The following ST6GALNAC5 variants were observed in gnomAD, a reference collection of about 807,000 sequenced individuals.
ST6GALNAC5 encodes the protein alpha-N-acetylgalactosaminide alpha-2,6-sialyltransferase 5.
A neutral mutation model predicts 33.6 loss-of-function variants in ST6GALNAC5; 27 were observed. The ratio of observed to expected loss-of-function variants is 0.80; its 90% CI spans 0.59 to 1.11. The LOEUF (loss-of-function observed/expected upper bound fraction) is 1.11, where lower values mean the gene tolerates loss of function less well. Ranked by LOEUF, ST6GALNAC5 falls within the 50% of genes least tolerant of loss-of-function variation. ST6GALNAC5 has a pLI of 0.00. For missense variants in ST6GALNAC5, 428 were observed against 454.0 expected, an observed-to-expected ratio of 0.94 and a Z score of 0.52; for synonymous variants, 194 against 171.2, an observed-to-expected ratio of 1.13 and a Z score of -1.04.
intron 2 of ST6GALNAC5, among the ~76,000 whole-genome samples, chr1:76,875,086 T>C (rs988363472): frequency 9.2e-5 from 14 of 152,358 alleles, no homozygotes; most frequent in African/African-American, 3.4e-4. Flanking sequence ...TACAAGTGTA[T>C]ACATGCACAA....
At chr1:77,011,007 C>T (rs551379577) in intron 2 of ST6GALNAC5, among the ~76,000 whole-genome samples, 1 of 152,160 alleles carries the variant, frequency 6.6e-6, no homozygotes, top group Non-Finnish European at 1.5e-5. Context: ...TGACTAAAAC[C>T]GTTGATCCTT....
chr1:77,051,266 A>T (rs1220755454), intron 4 of ST6GALNAC5, among the ~76,000 whole-genome samples: 2 of 152,256 alleles, frequency 1.3e-5, no homozygotes, highest in Non-Finnish European at 2.9e-5. Context: ...GAGAAACAGC[A>T]TCTAATCATC....
rs5775369 is a variant in ST6GALNAC5, at chr1:76,923,281, GA to G, written c.261+54550del. On this transcript the variant is annotated intron_variant, in intron 2 of 4. Transcript: ENST00000477717. ...TAAAAATTAAACAATATTACCTAAT[GA>G]AAAAAAAAAAGGAGTGAGTGGACAA... 1.1e-3 allele frequency among the ~76,000 whole-genome samples: 157 copies of G among 146,464 alleles called. 2 individuals carry two copies. The highest frequency in any genetic ancestry group is 2.9e-3 in the African/African-American group (114 of 39,736).
intron 2 of ST6GALNAC5, among the ~76,000 whole-genome samples, chr1:76,953,757 T>G (rs1310235838): frequency 6.6e-6 from 1 of 152,116 alleles, no homozygotes; most frequent in African/African-American, 2.4e-5. Context: ...TTCACTTATT[T>G]TTAAATAAAA....
At chr1:76,994,578 G>A (rs894482722) in intron 2 of ST6GALNAC5, among the ~76,000 whole-genome samples, 10 of 152,024 alleles carry the variant, frequency 6.6e-5, no homozygotes, top group Non-Finnish European at 1.3e-4. Context: ...TAAAGACCCC[G>A]AGCCCACACT....
chr1:76,936,603 GA>G (rs1647205774), intron 2 of ST6GALNAC5, among the ~76,000 whole-genome samples: 1 of 152,068 alleles, frequency 6.6e-6, no homozygotes, highest in African/African-American at 2.4e-5. Context: ...ATTGAAATTT[GA>G]AGGAGAAGAA....
At chr1:77,010,457 T>C (rs1020764791) in intron 2 of ST6GALNAC5, among the ~76,000 whole-genome samples, 1 of 152,218 alleles carries the variant, frequency 6.6e-6, no homozygotes, top group East Asian at 1.9e-4. Context: ...ATCGTGCCAC[T>C]GCACTCCAGC....
Position 76,987,662 on chromosome 1 carries a change from C to G in ST6GALNAC5, c.262-56542C>G, listed in dbSNP as rs182063092. Among the ~76,000 whole-genome samples, 6 of 152,210 alleles carry G rather than the reference C, an allele frequency of 3.9e-5. No individual in the cohort carries two copies. The East Asian group carries it at 1.2e-3, about 29-fold the overall frequency. On this transcript the variant is annotated intron_variant, in intron 2 of 4. Transcript: ENST00000477717. ...TGAATGTTCATAGCAGCACCAGACACAACAGCCCAACAGTGGAAAAAACCC... is the reference window on the plus strand; with the variant it reads ...TGAATGTTCATAGCAGCACCAGACAGAACAGCCCAACAGTGGAAAAAACCC...
chr1:76,917,760 G>C (rs1646990394), intron 2 of ST6GALNAC5, among the ~76,000 whole-genome samples: 1 of 152,040 alleles, frequency 6.6e-6, no homozygotes, highest in South Asian at 2.1e-4. Context: ...TGGAGACCCA[G>C]GCAAGCCAGT....
chr1:77,014,044 C>T (rs1266513656), intron 2 of ST6GALNAC5, among the ~76,000 whole-genome samples: 1 of 152,158 alleles, frequency 6.6e-6, no homozygotes, highest in East Asian at 1.9e-4. Context: ...ACCCCAGCCT[C>T]ATCCATAAAA....
intron 2 of ST6GALNAC5, among the ~76,000 whole-genome samples, chr1:77,012,931 A>G (rs1162406875): frequency 4.6e-5 from 7 of 152,204 alleles, no homozygotes; most frequent in African/African-American, 9.7e-5. Context: ...CCTATGGTCT[A>G]TCAGGCAAGG....
chr1:76,920,252 C>A (rs569413965), intron 2 of ST6GALNAC5, among the ~76,000 whole-genome samples: 1 of 152,020 alleles, frequency 6.6e-6, no homozygotes, highest in Non-Finnish European at 1.5e-5. Flanking sequence ...TCGCCTTCTA[C>A]AAAGAAATAA....
intron 2 of ST6GALNAC5, among the ~76,000 whole-genome samples, chr1:76,907,393 G>A (rs148123364): frequency 6.6e-6 from 1 of 152,080 alleles, no homozygotes; most frequent in Admixed American, 6.6e-5. Context: ...AAGCACTTGA[G>A]GCAGCAGGCT....
intron 2 of ST6GALNAC5, among the ~76,000 whole-genome samples, chr1:76,958,156 T>C (rs1444151956): frequency 6.6e-6 from 1 of 152,228 alleles, no homozygotes; most frequent in African/African-American, 2.4e-5. Flanking sequence ...ATGCCACATG[T>C]GACAGCTTTG....
intron 2 of ST6GALNAC5, among the ~76,000 whole-genome samples, chr1:76,907,848 T>A (rs190735667): frequency 6.6e-6 from 1 of 152,124 alleles, no homozygotes; most frequent in Non-Finnish European, 1.5e-5. Flanking sequence ...AGTCTCAAGA[T>A]CATCCCAGTC....
intron 2 of ST6GALNAC5, among the ~76,000 whole-genome samples, chr1:76,904,601 G>A (rs1646847576): frequency 6.6e-6 from 1 of 152,102 alleles, no homozygotes; most frequent in Admixed American, 6.6e-5. Context: ...GAAGCGAGTG[G>A]ATCACTTGAG....
chr1:76,938,534 G>A (rs1647249294), intron 2 of ST6GALNAC5, among the ~76,000 whole-genome samples: 1 of 152,088 alleles, frequency 6.6e-6, no homozygotes, highest in Admixed American at 6.6e-5. Context: ...CTCCACAAAT[G>A]TGGGCTCATC....
intron 4 of ST6GALNAC5, among the ~76,000 whole-genome samples, chr1:77,056,367 A>G (rs1652399685): frequency 1.3e-5 from 2 of 152,336 alleles, no homozygotes; most frequent in South Asian, 4.1e-4. Context: ...AAGCATTTAA[A>G]TTCTACCTAA....
chr1:76,884,808 GA>G (rs1181543253), intron 2 of ST6GALNAC5, among the ~76,000 whole-genome samples: 5 of 152,128 alleles, frequency 3.3e-5, no homozygotes, highest in Admixed American at 2.6e-4. Flanking sequence ...TGTGCTGTTT[GA>G]TAAAAGAACA....
Sources: gnomAD v4.1 joint callset for allele counts (sites outside exome capture counted in the v4.1 genomes callset) on GRCh38, gnomAD v4.1.1 for gene constraint, MANE v1.5 for transcripts, NCBI Gene and HGNC (gene_info 2026-07-23, HGNC 2026-07-21) for gene names.